Variants in TUB observed in about 807,000 individuals in gnomAD.
TUB encodes the protein TUB bipartite transcription factor.
In TUB, 33 loss-of-function variants were observed where a neutral mutation model predicts 59.7. The observed-to-expected ratio is 0.55, with a 90% CI of 0.42 to 0.74. The LOEUF is 0.74. Among genes scored for constraint, TUB ranks in the 30% least tolerant of loss-of-function variants. The pLI is 0.00. For missense variants in TUB, 659 were observed against 672.0 expected, an observed-to-expected ratio of 0.98 and a Z score of 0.21; for synonymous variants, 293 against 256.4, an observed-to-expected ratio of 1.14 and a Z score of -1.36.
At chr11:8,059,263 A>G (rs1382917279) in intron 2 of TUB, among the ~76,000 whole-genome samples, 2 of 152,158 alleles carry the variant, frequency 1.3e-5, no homozygotes, top group African/African-American at 4.8e-5. Flanking sequence ...TCAGAGGAAG[A>G]AGACGTGGTC....
upstream of TUB, among the ~76,000 whole-genome samples, chr11:8,038,340 A>G (rs1942681550): frequency 6.6e-6 from 1 of 152,166 alleles, no homozygotes; most frequent in African/African-American, 2.4e-5. Flanking sequence ...AGGTGAAGCA[A>G]GGGGACAAGA....
chr11:8,033,807 G>A (rs1942608827), upstream of TUB, among the ~76,000 whole-genome samples: 1 of 152,228 alleles, frequency 6.6e-6, no homozygotes, highest in Non-Finnish European at 1.5e-5. Context: ...GAGAAGCCAG[G>A]GATAAAGACC....
chr11:8,074,520 TTGAC>T (rs1175118510), intron 2 of TUB, among the ~76,000 whole-genome samples: 2 of 152,126 alleles, frequency 1.3e-5, no homozygotes, highest in African/African-American at 4.8e-5. Flanking sequence ...GGAGGGTTGT[TTGAC>T]TGAGGAGTCC....
Position 8,100,564 on chromosome 11 carries a change from A to T in TUB, c.1178A>T (p.Asn393Ile). ...ATGAGCGTGATTGTCCCAGGCATGA[A>T]CATGGTTCATGAGAGAGTCTCTATC... ...RKMSVIVPGM[N>I]MVHERVSIRP... The change falls in exon 10 of 12, where the codon AAC becomes ATC. Residue 393 changes from asparagine to isoleucine, a missense_variant. Asn to Ile is a moderately radical substitution (Grantham distance 149, BLOSUM62 -3). Around this residue, in one of 3 missense-constraint regions of TUB, gnomAD observed 226 missense variants for 210.8 expected, o/e 1.07. Coordinates refer to ENST00000299506, the MANE Select transcript of TUB (RefSeq NM_177972.3). 2.5e-6 allele frequency: 4 copies of T among 1,614,154 alleles called. No individual in the cohort carries two copies. The highest frequency in any genetic ancestry group is 3.4e-6 in the Non-Finnish European group (4 of 1,180,018).
At chr11:8,024,366 A>G (rs1942472287) in intron 1 of TUB, among the ~76,000 whole-genome samples, 1 of 152,116 alleles carries the variant, frequency 6.6e-6, no homozygotes, top group South Asian at 2.1e-4. Flanking sequence ...CACCAATGCC[A>G]TCTCTCAGTC....
intron 2 of TUB, among the ~76,000 whole-genome samples, chr11:8,065,378 G>A (rs1943219774): frequency 6.6e-6 from 1 of 152,178 alleles, no homozygotes; most frequent in African/African-American, 2.4e-5. Flanking sequence ...TCAACAATGG[G>A]AGTGACACAG....
rs745874434 is a variant in TUB at position 8,094,032 on chromosome 11, T to C, written c.254-14T>C. On this transcript the variant is annotated splice_polypyrimidine_tract_variant and intron_variant, in intron 3 of 11. Coordinates refer to ENST00000299506, the MANE Select transcript of TUB (RefSeq NM_177972.3). The stretch of plus-strand genomic sequence containing the variant: ...CTGTTTCTCTCTCTCCATCTGGGGA[T>C]GTTTCCTGAGCAGTTCAAGAGGCCG... 2.5e-6 allele frequency: 4 copies of C among 1,613,948 alleles called. No homozygotes were observed. The African/African-American group carries it at 5.3e-5, about 22-fold the overall frequency.
At chr11:8,054,955 G>T (rs1479291512) in intron 2 of TUB, among the ~76,000 whole-genome samples, 1 of 152,100 alleles carries the variant, frequency 6.6e-6, no homozygotes, top group Non-Finnish European at 1.5e-5. Flanking sequence ...GGCAAGATGG[G>T]GTGTGGAGGC....
At chr11:8,088,828 C>T (rs150334090) in intron 1 of TUB, among the ~76,000 whole-genome samples, 33 of 152,360 alleles carry the variant, frequency 2.2e-4, no homozygotes, top group African/African-American at 7.5e-4. Context: ...AGATGAGGCT[C>T]CCTGTCCCAA....
intron 1 of TUB, among the ~76,000 whole-genome samples, chr11:8,028,914 A>C (rs1233866163): frequency 6.6e-6 from 1 of 152,172 alleles, no homozygotes; most frequent in African/African-American, 2.4e-5. Flanking sequence ...TGGGAGGCTG[A>C]GGTGAGAAGA....
chr11:8,057,991 C>T (rs1490046074), intron 2 of TUB, among the ~76,000 whole-genome samples: 2 of 152,040 alleles, frequency 1.3e-5, no homozygotes, highest in Non-Finnish European at 2.9e-5. Flanking sequence ...AGGAGGATTG[C>T]TTGAGGCCAG....
intron 3 of TUB, among the ~76,000 whole-genome samples, chr11:8,091,274 T>C: frequency 6.6e-6 from 1 of 152,168 alleles, no homozygotes; most frequent in East Asian, 1.9e-4. Context: ...CAGGTGGGTC[T>C]CACTTGCCTG....
rs1391538680 is a variant in TUB at position 8,101,462 on chromosome 11, G to C, written c.1388-24G>C. On this transcript the variant is annotated intron_variant, in intron 11 of 11. Coordinates refer to ENST00000299506, the MANE Select transcript of TUB (RefSeq NM_177972.3). ...CCATTCCTGTCCTGTCCTTTTCTCT[G>C]TCTGTGCCTGTGCTTGGCCCCAGCG... is the stretch of plus-strand genomic sequence containing the variant. The C allele has an allele frequency of 2.9e-6, 3 of 1,028,976 alleles. No homozygotes were observed. The highest frequency in any genetic ancestry group is 3.9e-6 in the Non-Finnish European group (3 of 770,892). 63.7% of individuals were successfully genotyped at this position (1,028,976 alleles called of 1,614,324 possible). A position where few individuals can be genotyped will look rare whatever the true frequency, so the allele number is the denominator to read the frequency against.
chr11:8,024,984 T>C lies in TUB; in HGVS notation c.56+5626T>C, dbSNP rs140594514. Among the ~76,000 whole-genome samples, 138 of 152,326 alleles carry C rather than the reference T, an allele frequency of 9.1e-4. 1 individual carries two copies. The highest frequency in any genetic ancestry group is 2.9e-3 in the African/African-American group (122 of 41,568). On this transcript the variant is annotated intron_variant, in intron 1 of 11. Transcript: ENST00000534099. ...AAGTGACTTAACCTCCATCAGCAAA[T>C]AGACAATAATAATGGTAGCTACGTC...
intron 1 of TUB, among the ~76,000 whole-genome samples, chr11:8,027,198 T>C (rs1189936956): frequency 6.6e-6 from 1 of 152,222 alleles, no homozygotes; most frequent in African/African-American, 2.4e-5. Flanking sequence ...TGTGCAACCA[T>C]CACCACTATC....
intron 1 of TUB, among the ~76,000 whole-genome samples, chr11:8,030,491 G>A (rs1332234089): frequency 6.6e-6 from 1 of 152,158 alleles, no homozygotes; most frequent in Non-Finnish European, 1.5e-5. Flanking sequence ...GGGCTCAGGT[G>A]TGTGTTCCTC....
intron 1 of TUB, among the ~76,000 whole-genome samples, chr11:8,085,138 C>T (rs918260383): frequency 1.3e-5 from 2 of 152,208 alleles, no homozygotes; most frequent in South Asian, 2.1e-4. Context: ...GGACCCACCA[C>T]TTTACTTCTG....
intron 2 of TUB, among the ~76,000 whole-genome samples, chr11:8,066,799 C>G (rs530973455): frequency 6.6e-6 from 1 of 152,176 alleles, no homozygotes; most frequent in Non-Finnish European, 1.5e-5. Context: ...AGAGTTGTGA[C>G]GAGACCTGCA....
In TUB at chr11:8,094,055, C is replaced by T. The variant is rs775392476; in HGVS notation, c.263C>T (p.Ala88Val). 12 of 1,614,152 alleles carry T rather than the reference C, an allele frequency of 7.4e-6. No individual in the cohort carries two copies. The highest frequency in any genetic ancestry group is 2.2e-5 in the East Asian group (1 of 44,876). ...SGSTSYQVQE[A>V]DSLASVQLGA... ...GATGTTTCCTGAGCAGTTCAAGAGG[C>T]CGACTCACTCGCCAGTGTGCAGCTG... Residue 88 changes from alanine (A) to valine (V), a missense_variant, in exon 4 of 12, where the codon GCC becomes GTC. Around this residue, in one of 3 missense-constraint regions of TUB, gnomAD observed 321 missense variants for 304.3 expected, o/e 1.05. Transcript: ENST00000299506.
Sources: allele counts gnomAD v4.1 joint callset (sites outside exome capture counted in the v4.1 genomes callset), GRCh38; gene constraint gnomAD v4.1.1; regional missense constraint gnomAD v4.1.1; transcripts MANE v1.5; gene names NCBI Gene and HGNC (gene_info 2026-07-23, HGNC 2026-07-21).